Variants in CCND3 observed in about 807,000 individuals in gnomAD.
The protein encoded by CCND3 is cyclin D3, also known as G1/S-specific cyclin-D3.
A neutral mutation model predicts 28.7 loss-of-function variants in CCND3; 9 were observed. The ratio of observed to expected loss-of-function variants is 0.31; its 90% CI spans 0.19 to 0.55. The LOEUF is 0.55. Ranked by LOEUF, CCND3 falls within the 20% of genes least tolerant of loss-of-function variation. CCND3 has a pLI of 0.93. For missense variants in CCND3, 315 were observed against 385.8 expected (o/e 0.82, Z 1.54); for synonymous variants, 164 against 163.9 (o/e 1.00, Z 0.00).
intron 1 of CCND3, among the ~76,000 whole-genome samples, chr6:42,034,466 C>T (rs1356864435): frequency 2.0e-5 from 2 of 98,490 alleles, no homozygotes; most frequent in Non-Finnish European, 4.0e-5. Context: ...AACCCTGTCA[C>T]TCTTTTTTTT....
At chr6:42,022,481 G>C (rs952809181) in intron 1 of CCND3, among the ~76,000 whole-genome samples, 6 of 152,228 alleles carry the variant, frequency 3.9e-5, no homozygotes, top group African/African-American at 1.4e-4. Flanking sequence ...TCTGGGGCTG[G>C]GTCATGGTTT....
Position 41,937,604 on chromosome 6 carries a change from C to T in CCND3, c.415-210G>A, listed in dbSNP as rs138827651. 287 of 599,476 alleles carry T rather than the reference C, an allele frequency of 4.8e-4. 4 individuals are homozygous for T. The highest frequency in any genetic ancestry group is 4.5e-4 in the Middle Eastern group (1 of 2,246). 37.1% of individuals were successfully genotyped at this position (599,476 alleles called of 1,614,324 possible). A position where few individuals can be genotyped will look rare whatever the true frequency, so the allele number is the denominator to read the frequency against. ...GCTTTGAGCACTTACTGATCATTTA[C>T]TAGGTGCCAGGACAACATGCTTTAC... On this transcript the variant is annotated intron_variant, in intron 2 of 4. Transcript: ENST00000372991.
intron 1 of CCND3, among the ~76,000 whole-genome samples, chr6:41,988,867 T>A (rs1320760071): frequency 6.6e-6 from 1 of 151,120 alleles, no homozygotes; most frequent in East Asian, 2.0e-4. Flanking sequence ...CCCAGCTAAT[T>A]TTTTTGTATT....
chr6:41,945,663 AG>A (rs1776149463), upstream of CCND3, among the ~76,000 whole-genome samples: 1 of 152,214 alleles, frequency 6.6e-6, no homozygotes, highest in South Asian at 2.1e-4. Flanking sequence ...GGCTGAGAAC[AG>A]GGGTGCTAAA....
intron 1 of CCND3, among the ~76,000 whole-genome samples, chr6:41,996,143 T>G (rs1036967453): frequency 1.5e-5 from 2 of 135,760 alleles, no homozygotes; most frequent in African/African-American, 5.4e-5. Context: ...TATATATTTT[T>G]TTTGTTTGTT....
chr6:41,998,211 C>A (rs941635469), intron 1 of CCND3, among the ~76,000 whole-genome samples: 3 of 151,158 alleles, frequency 2.0e-5, no homozygotes, highest in Admixed American at 6.6e-5. Flanking sequence ...TCACTTGAAC[C>A]TGGGAGGCGG....
intron 1 of CCND3, among the ~76,000 whole-genome samples, chr6:42,018,085 G>A (rs9471731): frequency 6.6e-6 from 1 of 151,928 alleles, no homozygotes; most frequent in African/African-American, 2.4e-5. Context: ...GGAGGTGGAG[G>A]TTGCAGTGAG....
chr6:41,950,442 T>A (rs965376560), intron 1 of CCND3, among the ~76,000 whole-genome samples: 3 of 152,152 alleles, frequency 2.0e-5, no homozygotes, highest in Non-Finnish European at 4.4e-5. Flanking sequence ...GATTGTGTGA[T>A]CCTGGGCAGT....
rs143310434 is a variant in CCND3, at chr6:41,995,004, G to A, written c.-46+53497C>T. Among the ~76,000 whole-genome samples, 561 of 152,002 alleles carry A rather than the reference G, an allele frequency of 3.7e-3. 1 individual carries two copies. The highest frequency in any genetic ancestry group is 0.012 in the African/African-American group (509 of 41,472). On this transcript the variant is annotated intron_variant, in intron 1 of 4. Coordinates refer to the CCND3 transcript ENST00000372988. ...GGAGAATCACTTGAACCCAGGAGGC[G>A]GAGGTTGCAGTCAGCCGAGATCGTG... is the stretch of plus-strand genomic sequence containing the variant.
At chr6:41,947,974 G>T (rs1199993895) in intron 1 of CCND3, among the ~76,000 whole-genome samples, 5 of 151,970 alleles carry the variant, frequency 3.3e-5, no homozygotes, top group Non-Finnish European at 7.4e-5. Context: ...CTGTGCTCTG[G>T]CCACACGGTT....
At chr6:41,969,932 C>T (rs997633404) in intron 1 of CCND3, among the ~76,000 whole-genome samples, 5 of 152,138 alleles carry the variant, frequency 3.3e-5, no homozygotes, top group African/African-American at 1.2e-4. Context: ...GTGAGCTGGG[C>T]ATGGTGGTGA....
At chr6:42,010,477 C>T (rs1174308935) in intron 1 of CCND3, among the ~76,000 whole-genome samples, 2 of 152,120 alleles carry the variant, frequency 1.3e-5, no homozygotes, top group Admixed American at 6.6e-5. Context: ...CCTCATTTCA[C>T]CCAGCTGCCT....
intron 1 of CCND3, among the ~76,000 whole-genome samples, chr6:42,003,285 G>A (rs959049059): frequency 2.0e-5 from 3 of 151,568 alleles, no homozygotes; most frequent in Non-Finnish European, 4.4e-5. Flanking sequence ...CAGCACTTTG[G>A]GAAGCCGAGA....
intron 1 of CCND3, among the ~76,000 whole-genome samples, chr6:42,002,127 A>T (rs986262489): frequency 6.7e-6 from 1 of 149,084 alleles, no homozygotes; most frequent in African/African-American, 2.5e-5. Context: ...AAAAAAAAAA[A>T]ATTCATAGAA....
chr6:41,983,800 A>C (rs1468878738), intron 1 of CCND3, among the ~76,000 whole-genome samples: 1 of 152,084 alleles, frequency 6.6e-6, no homozygotes, highest in East Asian at 1.9e-4. Flanking sequence ...AGCTGAGATC[A>C]CACCACTGTA....
chr6:42,037,045 TCTC>T (rs966888086), intron 1 of CCND3, among the ~76,000 whole-genome samples: 3 of 152,096 alleles, frequency 2.0e-5, no homozygotes, highest in African/African-American at 7.2e-5. Flanking sequence ...TTCACGCCAT[TCTC>T]CTGCCTCAGC....
chr6:41,987,477 TTCTCTCTCTC>T (rs71544258), intron 1 of CCND3, among the ~76,000 whole-genome samples: 27 of 126,482 alleles, frequency 2.1e-4, no homozygotes, highest in African/African-American at 4.9e-4. Flanking sequence ...GACCAGGCTT[TTCTCTCTCTC>T]TCTCTCTCTC....
Position 42,048,331 on chromosome 6 carries a change from C to A in CCND3, c.-46+170G>T. 9.1e-6 allele frequency: 3 copies of A among 328,616 alleles called. No individual in the cohort carries two copies. The highest frequency in any genetic ancestry group is 6.9e-5 in the South Asian group (3 of 43,212). 20.4% of individuals were successfully genotyped at this position (328,616 alleles called of 1,614,324 possible). A position where few individuals can be genotyped will look rare whatever the true frequency, so the allele number is the denominator to read the frequency against. On this transcript the variant is annotated intron_variant, in intron 1 of 4. Coordinates refer to the CCND3 transcript ENST00000372988. The surrounding 1 kb of genome is among the most constrained non-coding windows in gnomAD (Gnocchi z 4.7). ...TGGGGGTTTCTCTGCCCTTCAATTC[C>A]GTGCAGAACACCTCACTCAGTGGGA...
intron 1 of CCND3, among the ~76,000 whole-genome samples, chr6:42,018,104 G>A (rs1582168214): frequency 6.6e-6 from 1 of 151,818 alleles, no homozygotes; most frequent in South Asian, 2.1e-4. Context: ...AGCCGAGATC[G>A]CACCACTGCA....
Sources: allele counts gnomAD v4.1 joint callset (sites outside exome capture counted in the v4.1 genomes callset), GRCh38; gene constraint gnomAD v4.1.1; non-coding constraint Gnocchi (gnomAD v3.1); transcripts MANE v1.5; gene names NCBI Gene and HGNC (gene_info 2026-07-23, HGNC 2026-07-21).